Variants in PIBF1 observed in about 807,000 individuals in gnomAD.
PIBF1 encodes progesterone immunomodulatory binding factor 1, also known as progesterone-induced-blocking factor 1.
In PIBF1, 90 loss-of-function variants were observed where a neutral mutation model predicts 112.5. That is an observed-to-expected ratio of 0.80 (90% confidence interval 0.67 to 0.95). PIBF1 has a LOEUF of 0.95. Ranked by LOEUF, PIBF1 falls within the 40% of genes least tolerant of loss-of-function variation. The probability of loss-of-function intolerance (pLI) is 0.00; values close to 1 mark genes in which losing one functional copy is unlikely to be tolerated. For missense variants in PIBF1, 915 were observed against 852.3 expected, an observed-to-expected ratio of 1.07 and a Z score of -0.92; for synonymous variants, 301 against 288.6, an observed-to-expected ratio of 1.04 and a Z score of -0.44.
intron 14 of PIBF1, among the ~76,000 whole-genome samples, chr13:72,950,205 C>T (rs2042259420): frequency 6.6e-6 from 1 of 152,108 alleles, no homozygotes; most frequent in African/African-American, 2.4e-5. Flanking sequence ...TTGAATAATT[C>T]TAGTCTGTAC....
At chr13:72,900,851 C>T (rs1356314163) in intron 11 of PIBF1, among the ~76,000 whole-genome samples, 4 of 152,056 alleles carry the variant, frequency 2.6e-5, no homozygotes, top group African/African-American at 7.2e-5. Context: ...GGTGAAACAC[C>T]GTCTCTACTA....
chr13:73,003,951 TC>T (rs894066963), intron 17 of PIBF1, among the ~76,000 whole-genome samples: 2 of 151,744 alleles, frequency 1.3e-5, no homozygotes, highest in Non-Finnish European at 2.9e-5. Flanking sequence ...GCTCAAGCAA[TC>T]CTCCCACCAT....
At chr13:72,872,908 A>C (rs752330131) in intron 10 of PIBF1, among the ~76,000 whole-genome samples, 1 of 152,240 alleles carries the variant, frequency 6.6e-6, no homozygotes, top group Non-Finnish European at 1.5e-5. Flanking sequence ...CAGGACCTGT[A>C]CACTGAAAAC....
At chr13:72,933,492 T>G (rs544970257) in intron 14 of PIBF1, among the ~76,000 whole-genome samples, 7 of 152,320 alleles carry the variant, frequency 4.6e-5, no homozygotes, top group African/African-American at 1.4e-4. Context: ...TGGAACCCTG[T>G]CTCTACTAAA....
intron 5 of PIBF1, among the ~76,000 whole-genome samples, chr13:72,800,922 C>T (rs1052381918): frequency 1.3e-5 from 2 of 152,150 alleles, no homozygotes; most frequent in African/African-American, 4.8e-5. Flanking sequence ...TCTCATTAAA[C>T]AGCTTAGAAG....
intron 10 of PIBF1, among the ~76,000 whole-genome samples, chr13:72,864,343 A>G (rs1469072321): frequency 6.6e-6 from 1 of 152,220 alleles, no homozygotes; most frequent in Non-Finnish European, 1.5e-5. Flanking sequence ...ATCAATACAA[A>G]TATGTAAGTG....
At position 72,931,232 on chromosome 13, in the gene PIBF1, C is replaced by A; in HGVS notation, c.1798C>A (p.His600Asn). The A allele has an allele frequency of 6.2e-7, 1 of 1,612,546 alleles. No homozygotes were observed. Among genetic ancestry groups the A allele is most frequent in the East Asian group, 2.2e-5 (1 of 44,730 alleles). The stretch of plus-strand genomic sequence containing the variant: ...CTCGCTGATTTTAAAAGATCTGGAA[C>A]ATCGAAAGGACCAAGTAACACAGCT... ...QNSLILKDLE[H>N]RKDQVTQLSQ... The change falls in exon 14 of 18, where the codon CAT (histidine) becomes AAT (asparagine). Residue 600 changes from histidine (H) to asparagine (N), a missense_variant. Physicochemically the swap from His to Asn is moderately conservative, Grantham distance 68. Transcript: ENST00000326291.
Position 72,914,008 on chromosome 13 carries a change from G to A in PIBF1, c.1640-3068G>A, listed in dbSNP as rs1027784330. Among the ~76,000 whole-genome samples the A allele has an allele frequency of 5.3e-5, 8 of 152,144 alleles. No homozygotes were observed. The South Asian group carries it at 6.2e-4, about 12-fold the overall frequency. ...TGTCCTTATTTAATGAATACTTATC[G>A]ATTAACTAAAATTTCAAAGAAGTGA... is the stretch of plus-strand genomic sequence containing the variant. On this transcript the variant is annotated intron_variant, in intron 12 of 17. Transcript: ENST00000326291.
intron 12 of PIBF1, among the ~76,000 whole-genome samples, chr13:72,910,224 C>T (rs377183578): frequency 6.6e-6 from 1 of 152,138 alleles, no homozygotes; most frequent in African/African-American, 2.4e-5. Flanking sequence ...TCAATTTCTT[C>T]ACTGGAGTCA....
intron 10 of PIBF1, among the ~76,000 whole-genome samples, chr13:72,874,771 T>A (rs2039322817): frequency 6.6e-6 from 1 of 152,246 alleles, no homozygotes; most frequent in African/African-American, 2.4e-5. Context: ...AGTGGCTGTT[T>A]ATTTTTTAGA....
At chr13:72,889,255 G>A (rs1275795197) in intron 10 of PIBF1, among the ~76,000 whole-genome samples, 1 of 152,152 alleles carries the variant, frequency 6.6e-6, no homozygotes, top group East Asian at 1.9e-4. Flanking sequence ...TTCTGTCCTT[G>A]TCGACTCCAA....
rs544408766 is a variant in PIBF1 at position 72,821,752 on chromosome 13, A to G, written c.673-97A>G. 6 of 825,352 alleles carry G rather than the reference A, an allele frequency of 7.3e-6. No individual in the cohort carries two copies. The South Asian group carries it at 1.3e-4, about 17-fold the overall frequency. The allele number at this position is 825,352 out of a possible 1,614,324, so 51.1% of individuals were successfully genotyped here. A position where few individuals can be genotyped will look rare whatever the true frequency, so the allele number is the denominator to read the frequency against. Reference sequence around the variant, plus strand: ...GAATTTTTTTTACTGTTTAATTACAAGGACAATCACAGCTTAACAGAAGAC... The same window carrying G: ...GAATTTTTTTTACTGTTTAATTACAGGGACAATCACAGCTTAACAGAAGAC... On this transcript the variant is annotated intron_variant, in intron 5 of 17. Transcript: ENST00000326291.
intron 9 of PIBF1, among the ~76,000 whole-genome samples, chr13:72,845,816 G>T (rs895899821): frequency 6.6e-6 from 1 of 152,066 alleles, no homozygotes; most frequent in African/African-American, 2.4e-5. Flanking sequence ...AGAAGTGTGT[G>T]TTCATATCCA....
At chr13:72,876,201 C>G (rs1198624802) in intron 10 of PIBF1, among the ~76,000 whole-genome samples, 2 of 124,886 alleles carry the variant, frequency 1.6e-5, no homozygotes, top group African/African-American at 3.0e-5. Flanking sequence ...AAAAGACTAT[C>G]TTTCCACCAG....
At chr13:72,931,809 C>G (rs2041712619) in intron 14 of PIBF1, among the ~76,000 whole-genome samples, 1 of 142,214 alleles carries the variant, frequency 7.0e-6, no homozygotes, top group African/African-American at 2.6e-5. Context: ...TTTTTCTGTA[C>G]TTTTGAAATG....
intron 14 of PIBF1, among the ~76,000 whole-genome samples, chr13:72,946,514 T>G (rs966276200): frequency 2.0e-5 from 3 of 152,210 alleles, no homozygotes; most frequent in African/African-American, 7.2e-5. Flanking sequence ...CCCCAAAGTC[T>G]TAACTCTTTC....
intron 2 of PIBF1, among the ~76,000 whole-genome samples, chr13:72,788,439 T>A (rs2138350990): frequency 6.6e-6 from 1 of 152,292 alleles, no homozygotes; most frequent in East Asian, 1.9e-4. Flanking sequence ...AAATAGGTAT[T>A]TTAGTAGACC....
chr13:72,877,831 C>G (rs2039470881), intron 10 of PIBF1, among the ~76,000 whole-genome samples: 1 of 151,320 alleles, frequency 6.6e-6, no homozygotes, highest in Non-Finnish European at 1.5e-5. Context: ...CTCACCTCAA[C>G]CTCCGCCTCT....
rs1343584298 is a variant in PIBF1 at position 72,893,908 on chromosome 13, C to G, written c.1447C>G (p.Gln483Glu). 2.5e-6 allele frequency: 4 copies of G among 1,608,854 alleles called. No homozygotes were observed. Among genetic ancestry groups the G allele is most frequent in the Non-Finnish European group, 3.4e-6 (4 of 1,177,552 alleles). The part of the protein sequence containing the change: ...LQEETARNLT[Q>E]CQLECEKYQK... ...AGAGGAAACAGCAAGAAATCTCACA[C>G]AGTGTCAATTGGAATGTGAAAAATA... is the stretch of plus-strand genomic sequence containing the variant. Residue 483 changes from glutamine to glutamate, a missense_variant, in exon 11 of 18, where the codon CAG (glutamine) becomes GAG (glutamate). Transcript: ENST00000326291.
Sources: gnomAD v4.1 joint callset for allele counts (sites outside exome capture counted in the v4.1 genomes callset) on GRCh38, gnomAD v4.1.1 for gene constraint, MANE v1.5 for transcripts, NCBI Gene and HGNC (gene_info 2026-07-23, HGNC 2026-07-21) for gene names.